HTR4: variants seen among roughly 807,000 people sequenced by gnomAD.
The protein encoded by HTR4 is 5-hydroxytryptamine receptor 4, also known as 5-hydroxytryptamine (serotonin) receptor 4, G protein-coupled.
A neutral mutation model predicts 36.8 loss-of-function variants in HTR4; 16 were observed. The observed-to-expected ratio is 0.43, with a 90% CI of 0.29 to 0.66. The LOEUF (loss-of-function observed/expected upper bound fraction) is 0.66, where lower values mean the gene tolerates loss of function less well. Ranked by LOEUF, HTR4 falls within the 30% of genes least tolerant of loss-of-function variation. The probability of loss-of-function intolerance (pLI) is 0.13; values close to 1 mark genes in which losing one functional copy is unlikely to be tolerated. For missense variants in HTR4, 438 were observed against 490.9 expected (o/e 0.89, Z 1.02); for synonymous variants, 189 against 185.1 (o/e 1.02, Z -0.17).
At chr5:148,483,936 T>C (rs1756019133) in intron 6 of HTR4, among the ~76,000 whole-genome samples, 1 of 234 alleles carries the variant, frequency 4.3e-3, no homozygotes, top group South Asian at 0.083. Flanking sequence ...TTGATTTTAT[T>C]ATTTATTTAT....
At chr5:148,484,609 C>T (rs191065858) in intron 6 of HTR4, among the ~76,000 whole-genome samples, 1 of 152,152 alleles carries the variant, frequency 6.6e-6, no homozygotes, top group Non-Finnish European at 1.5e-5. Flanking sequence ...CATCTTGGCT[C>T]AGAGAGAGTT....
Position 148,654,307 on chromosome 5 carries a change from C to T in HTR4, c.-293G>A, listed in dbSNP as rs1304165096. The T allele has an allele frequency of 2.0e-6, 2 of 984,750 alleles. No homozygotes were observed. The highest frequency in any genetic ancestry group is 2.4e-6 in the Non-Finnish European group (2 of 829,454). The allele number at this position is 984,750 out of a possible 1,614,324, so 61.0% of individuals were successfully genotyped here. A position where few individuals can be genotyped will look rare whatever the true frequency, so the allele number is the denominator to read the frequency against. ...TCACCTGGGCTCGCCGCGCATCGTCCTTCTCCCCAACCGAGCCGGACTCCA... is the reference window on the plus strand; with the variant it reads ...TCACCTGGGCTCGCCGCGCATCGTCTTTCTCCCCAACCGAGCCGGACTCCA... On this transcript the variant is annotated 5_prime_UTR_variant, in exon 1 of 7. Coordinates refer to ENST00000377888, the MANE Select transcript of HTR4 (RefSeq NM_000870.7).
chr5:148,509,551 G>C lies in HTR4; in HGVS notation c.981C>G (p.Leu327=). The C allele has an allele frequency of 6.2e-7, 1 of 1,613,854 alleles. No homozygotes were observed. Among genetic ancestry groups the C allele is most frequent in the Non-Finnish European group, 8.5e-7 (1 of 1,179,782 alleles). Residue 327 remains leucine (L), a synonymous_variant, in exon 6 of 7, where the codon CTC becomes CTG. Coordinates refer to ENST00000377888, the MANE Select transcript of HTR4 (RefSeq NM_000870.7). ...KSFRRAFLII[L]CCDDERYRRP... ...TTCGGTAGCGCTCATCATCACAGCA[G>C]AGGATGATGAGGAAGGCACGTCTAA...
intron 6 of HTR4, among the ~76,000 whole-genome samples, chr5:148,495,701 C>A (rs957968494): frequency 6.6e-6 from 1 of 152,184 alleles, no homozygotes; most frequent in African/African-American, 2.4e-5. Flanking sequence ...ACCATGTCTT[C>A]CAAGTGGGGA....
intron 2 of HTR4, among the ~76,000 whole-genome samples, chr5:148,550,627 C>A (rs1053286983): frequency 1.3e-5 from 2 of 152,202 alleles, no homozygotes; most frequent in African/African-American, 4.8e-5. Flanking sequence ...ATGATAGTAA[C>A]TTTGCAACTG....
At chr5:148,516,226 A>G in intron 5 of HTR4, among the ~76,000 whole-genome samples, 1 of 150,782 alleles carries the variant, frequency 6.6e-6, no homozygotes, top group East Asian at 2.0e-4. Flanking sequence ...GTTCTCAGAT[A>G]TGTCAAATCT....
At chr5:148,558,968 A>T (rs1760073457) in intron 2 of HTR4, among the ~76,000 whole-genome samples, 1 of 152,240 alleles carries the variant, frequency 6.6e-6, no homozygotes. Flanking sequence ...TGGAAAATGC[A>T]TTTAATGCAC....
At chr5:148,472,143 G>T (rs1755584762), downstream of HTR4, among the ~76,000 whole-genome samples, 2 of 152,242 alleles carry the variant, frequency 1.3e-5, no homozygotes, top group South Asian at 4.1e-4. Flanking sequence ...ACCCAACAGG[G>T]TATATGCAAC....
At chr5:148,484,247 G>T in intron 6 of HTR4, 1 of 1,610,388 alleles carries the variant, frequency 6.2e-7, no homozygotes, top group Non-Finnish European at 8.5e-7. Context: ...ATAAAACAGA[G>T]AATCATAGTT....
intron 2 of HTR4, among the ~76,000 whole-genome samples, chr5:148,595,925 T>TA (rs1581523503): frequency 6.6e-6 from 1 of 152,250 alleles, no homozygotes; most frequent in African/African-American, 2.4e-5. Flanking sequence ...ATCATGTTTT[T>TA]ATCTCTCCAA....
intron 5 of HTR4, among the ~76,000 whole-genome samples, chr5:148,457,828 T>TATA (rs1554084739): frequency 7.4e-6 from 1 of 134,972 alleles, no homozygotes; most frequent in Non-Finnish European, 1.6e-5. Context: ...ATCATTAAAA[T>TATA]ATATATTTTG....
chr5:148,619,945 G>T (rs1752852660), intron 2 of HTR4, among the ~76,000 whole-genome samples: 3 of 152,172 alleles, frequency 2.0e-5, no homozygotes, highest in Admixed American at 6.5e-5. Flanking sequence ...TAAAAGCTCT[G>T]AGGTATTTTA....
chr5:148,535,102 G>A (rs1037651101), intron 4 of HTR4, among the ~76,000 whole-genome samples: 2 of 152,118 alleles, frequency 1.3e-5, no homozygotes, highest in Non-Finnish European at 1.5e-5. Flanking sequence ...ACCACACCTC[G>A]AAGCTTAAGC....
chr5:148,492,681 G>A (rs1430436604), intron 6 of HTR4, among the ~76,000 whole-genome samples: 1 of 152,328 alleles, frequency 6.6e-6, no homozygotes, highest in Non-Finnish European at 1.5e-5. Context: ...CTGAACGGAT[G>A]TTATCAATTT....
rs146855858 is a variant in HTR4 at position 148,578,479 on chromosome 5, C to T, written c.27-28217G>A. 3.3e-3 allele frequency among the ~76,000 whole-genome samples: 495 copies of T among 152,086 alleles called. 2 individuals carry two copies. Among genetic ancestry groups the T allele is most frequent in the African/African-American group, 8.0e-3 (330 of 41,496 alleles). On this transcript the variant is annotated intron_variant, in intron 2 of 6. Transcript: ENST00000377888. ...GGTATCTCTTTCCTTTTTATATAAACGATAATCTAACATGCATACTTTCAA... is the reference window on the plus strand; with the variant it reads ...GGTATCTCTTTCCTTTTTATATAAATGATAATCTAACATGCATACTTTCAA...
chr5:148,600,737 A>G (rs1761959879), intron 2 of HTR4, among the ~76,000 whole-genome samples: 1 of 151,982 alleles, frequency 6.6e-6, no homozygotes, highest in South Asian at 2.1e-4. Flanking sequence ...GAGAAATGGA[A>G]AAGATCTTTG....
chr5:148,610,262 G>C (rs1467864415), intron 2 of HTR4, among the ~76,000 whole-genome samples: 1 of 152,168 alleles, frequency 6.6e-6, no homozygotes, highest in Non-Finnish European at 1.5e-5. Context: ...CAGAAGATGC[G>C]TGATTTCTGC....
intron 2 of HTR4, among the ~76,000 whole-genome samples, chr5:148,591,352 T>A (rs773267878): frequency 3.3e-5 from 5 of 152,186 alleles, no homozygotes; most frequent in African/African-American, 7.2e-5. Context: ...TAGGTTTTTT[T>A]AATACTTCTA....
chr5:148,549,525 G>T (rs1054248278), intron 3 of HTR4, among the ~76,000 whole-genome samples: 5 of 152,166 alleles, frequency 3.3e-5, no homozygotes, highest in African/African-American at 1.2e-4. Flanking sequence ...AAGTATTGAT[G>T]CTGAGGTCTC....
Sources: allele counts gnomAD v4.1 joint callset (sites outside exome capture counted in the v4.1 genomes callset), GRCh38; gene constraint gnomAD v4.1.1; transcripts MANE v1.5; gene names NCBI Gene and HGNC (gene_info 2026-07-23, HGNC 2026-07-21).